CDRT15: variants seen among roughly 807,000 people sequenced by gnomAD.
The protein encoded by CDRT15 is CMT1A duplicated region transcript 15.
CDRT15 carries 9 observed loss-of-function variants against 14.9 expected under a neutral mutation model. The ratio of observed to expected loss-of-function variants is 0.60; its 90% confidence interval spans 0.36 to 1.06. The LOEUF is 1.06. Ranked by LOEUF, CDRT15 falls within the 50% of genes least tolerant of loss-of-function variation. CDRT15 has a pLI of 0.01. For missense variants in CDRT15, 117 were observed against 235.3 expected (o/e 0.50, Z 3.29); for synonymous variants, 50 against 96.6 (o/e 0.52, Z 2.83).
rs561724167 is a variant in CDRT15, at chr17:14,236,748, C to G, written c.86G>C (p.Arg29Thr). 686 of 1,612,058 alleles carry G rather than the reference C, an allele frequency of 4.3e-4. No homozygotes were observed. In the East Asian group the frequency reaches 0.015, roughly 35 times the overall value. ...SESLFRRCRR[R>T]LIPHPRRLSP... The stretch of plus-strand genomic sequence containing the variant: ...CAGGCGTCTGGGGTGAGGGATGAGC[C>G]TTCTTCGGCATCGTCGGAAAAGGCT... Residue 29 changes from arginine (R) to threonine (T), a missense_variant, in exon 1 of 3, where the codon AGG becomes ACG. Transcript: ENST00000420162.
At chr17:14,236,254 G>C (rs1907382794) in intron 2 of CDRT15, 28 bp downstream of exon 2, 1 of 1,608,852 alleles carries the variant, frequency 6.2e-7, no homozygotes, top group Non-Finnish European at 8.5e-7. Context: ...TCAGTTCCAG[G>C]GTTAGGGCTA....
At chr17:14,236,543 A>C in intron 1 of CDRT15, 29 bp downstream of exon 1, 2 of 1,569,800 alleles carry the variant, frequency 1.3e-6, no homozygotes, top group African/African-American at 1.4e-5. Context: ...CCGCCCCCGC[A>C]AAGTCTTCCA....
rs776887793 is a variant in CDRT15 at position 14,236,548 on chromosome 17, C to T, written c.262+24G>A. Reference sequence around the variant, plus strand: ...CCCAAAATCACCGCCCCCGCAAAGTCTTCCAGGCTGCAGGCCACCTCACCA... The same window carrying T: ...CCCAAAATCACCGCCCCCGCAAAGTTTTCCAGGCTGCAGGCCACCTCACCA... On this transcript the variant is annotated intron_variant, in intron 1 of 2. Coordinates refer to ENST00000420162, the MANE Select transcript of CDRT15 (RefSeq NM_001007530.3). The T allele has an allele frequency of 1.0e-5, 16 of 1,567,028 alleles. No individual in the cohort carries two copies. The East Asian group carries it at 1.9e-4, about 18-fold the overall frequency.
At chr17:14,236,129 C>T (rs1907376997) in intron 2 of CDRT15, 118 bp from the exon 3 acceptor site, 1 of 1,494,116 alleles carries the variant, frequency 6.7e-7, no homozygotes, top group East Asian at 2.3e-5. Flanking sequence ...GCCAAATGCC[C>T]TGCTCTCTGC....
chr17:14,235,819 G>A lies in CDRT15; in HGVS notation c.*37C>T. 1.3e-6 allele frequency: 2 copies of A among 1,522,012 alleles called. No individual in the cohort carries two copies. Among genetic ancestry groups the A allele is most frequent in the Non-Finnish European group, 1.8e-6 (2 of 1,122,594 alleles). The allele number at this position is 1,522,012 out of a possible 1,614,324, so 94.3% of individuals were successfully genotyped here. On this transcript the variant is annotated 3_prime_UTR_variant, in exon 3 of 3. Coordinates refer to ENST00000420162, the MANE Select transcript of CDRT15 (RefSeq NM_001007530.3). ...AAAGCTTTGTTTGCTTTACCCTTTGGAGCCACCTCCTGGTCCCCTCACCCA... is the reference window on the plus strand; with the variant it reads ...AAAGCTTTGTTTGCTTTACCCTTTGAAGCCACCTCCTGGTCCCCTCACCCA...
rs1280145489 is a variant in CDRT15, at chr17:14,236,828, G to T, written c.6C>A (p.Phe2Leu). ...CTCTCGAAGTGGGGAAGCAACACGAGAACATCTTGCTCTCTTGAGCGACTC... is the reference window on the plus strand; with the variant it reads ...CTCTCGAAGTGGGGAAGCAACACGATAACATCTTGCTCTCTTGAGCGACTC... MFSCCFPTSRGC... is the reference protein window; with the variant it reads MLSCCFPTSRGC... Residue 2 changes from phenylalanine (F) to leucine (L), a missense_variant, in exon 1 of 3, where the codon TTC (phenylalanine) becomes TTA (leucine). This residue lies in a region of CDRT15 where 50 missense variants were observed against 48.8 expected (regional missense o/e 1.03). Coordinates refer to ENST00000420162, the MANE Select transcript of CDRT15 (RefSeq NM_001007530.3). The T allele has an allele frequency of 6.2e-7, 1 of 1,608,940 alleles. No individual in the cohort carries two copies. Among genetic ancestry groups the T allele is most frequent in the African/African-American group, 1.3e-5 (1 of 74,828 alleles).
At chr17:14,236,085 A>C (rs1907374258) in intron 2 of CDRT15, 74 bp from the exon 3 acceptor site, 1 of 1,532,662 alleles carries the variant, frequency 6.5e-7, no homozygotes, top group Non-Finnish European at 8.9e-7. Flanking sequence ...AGTGAATGAG[A>C]GAAGCCTCTC....
In CDRT15 at chr17:14,236,430, G is replaced by C; in HGVS notation, c.263C>G (p.Ala88Gly). The part of the protein sequence containing the change: ...IQELIEAQTL[A>G]PGPCAEVRAL... ...TCTTACTTCTGCACATGGACCAGGAGCTGAGAAAGGAGAAAGGGTCACCAG... is the reference window on the plus strand; with the variant it reads ...TCTTACTTCTGCACATGGACCAGGACCTGAGAAAGGAGAAAGGGTCACCAG... The change falls in exon 2 of 3, where the codon GCT becomes GGT. Residue 88 changes from alanine (A) to glycine (G), a missense_variant and splice_region_variant. Coordinates refer to ENST00000420162, the MANE Select transcript of CDRT15 (RefSeq NM_001007530.3). The C allele has an allele frequency of 1.3e-6, 2 of 1,577,724 alleles. No homozygotes were observed. The highest frequency in any genetic ancestry group is 1.7e-6 in the Non-Finnish European group (2 of 1,161,270).
chr17:14,236,279 T>C lies in CDRT15; in HGVS notation c.411+3A>G, dbSNP rs373345252. 2.9e-5 allele frequency: 47 copies of C among 1,611,884 alleles called. No individual in the cohort carries two copies. In the African/African-American group the frequency reaches 5.3e-4, roughly 18 times the overall value. ...GGTTAGGGCTAGTGGCTACAGTACG[T>C]GCCGTGATTTCAGGCAGCTCCTCGT... On this transcript the variant is annotated splice_donor_region_variant and intron_variant, in intron 2 of 2. Transcript: ENST00000420162.
rs756163863 is a variant in CDRT15, at chr17:14,236,758, A to T, written c.76T>A (p.Cys26Ser). 4 of 1,612,078 alleles carry T rather than the reference A, an allele frequency of 2.5e-6. No homozygotes were observed. In the Admixed American group the frequency reaches 6.7e-5, roughly 27 times the overall value. Residue 26 changes from cysteine (C) to serine (S), a missense_variant, in exon 1 of 3, where the codon TGC becomes AGC. Around this residue, in one of 3 missense-constraint regions of CDRT15, gnomAD observed 50 missense variants for 48.8 expected, o/e 1.03. Coordinates refer to ENST00000420162, the MANE Select transcript of CDRT15 (RefSeq NM_001007530.3). ...NGGSESLFRR[C>S]RRRLIPHPRR... ...GGGTGAGGGATGAGCCTTCTTCGGC[A>T]TCGTCGGAAAAGGCTCTCACTCCCT...
At position 14,236,793 on chromosome 17, in the gene CDRT15, A is replaced by G. The variant is rs897056680; in HGVS notation, c.41T>C (p.Phe14Ser). Residue 14 changes from phenylalanine (F) to serine (S), a missense_variant, in exon 1 of 3, where the codon TTC (phenylalanine) becomes TCC (serine). This residue lies in a region of CDRT15 where 50 missense variants were observed against 48.8 expected (regional missense o/e 1.03). Coordinates refer to ENST00000420162, the MANE Select transcript of CDRT15 (RefSeq NM_001007530.3). ...AAGGCTCTCACTCCCTCCATTCCTG[A>G]AGCAGCAACCTCTCGAAGTGGGGAA... is the stretch of plus-strand genomic sequence containing the variant. ...CCFPTSRGCCFRNGGSESLFR... is the reference protein window; with the variant it reads ...CCFPTSRGCCSRNGGSESLFR... 2 of 1,610,892 alleles carry G rather than the reference A, an allele frequency of 1.2e-6. No individual in the cohort carries two copies. Among genetic ancestry groups the G allele is most frequent in the African/African-American group, 2.7e-5 (2 of 74,816 alleles).
At position 14,236,336 on chromosome 17, in the gene CDRT15, C is replaced by T. The variant is rs1907389185; in HGVS notation, c.357G>A (p.Glu119=). ...WEEAPPERAL[E]LEGAPAKDQT... ...GGTCCTTGGCTGGAGCTCCCTCCAG[C>T]TCCAGTGCTCTCTCTGGAGGGGCCT... The change falls in exon 2 of 3, where the codon GAG becomes GAA. Residue 119 remains glutamate (E), a synonymous_variant. Coordinates refer to ENST00000420162, the MANE Select transcript of CDRT15 (RefSeq NM_001007530.3). 2 of 1,611,832 alleles carry T rather than the reference C, an allele frequency of 1.2e-6. No individual in the cohort carries two copies. The highest frequency in any genetic ancestry group is 8.5e-7 in the Non-Finnish European group (1 of 1,179,460).
At position 14,235,979 on chromosome 17, in the gene CDRT15, T is replaced by C. The variant is rs564652429; in HGVS notation, c.444A>G (p.Gly148=). 6.2e-7 allele frequency: 1 copy of C among 1,611,448 alleles called. No individual in the cohort carries two copies. The highest frequency in any genetic ancestry group is 1.3e-5 in the African/African-American group (1 of 75,044). The change falls in exon 3 of 3, where the codon GGA becomes GGG. Residue 148 remains glycine, a synonymous_variant. Transcript: ENST00000420162. ...EVPESIKRRL[G]RRVPAATPAP... Reference sequence around the variant, plus strand: ...CAGGCGTAGCTGCTGGAACTCTTCTTCCCAGCCTTCTTTTAATGCTCTCCG... The same window carrying C: ...CAGGCGTAGCTGCTGGAACTCTTCTCCCCAGCCTTCTTTTAATGCTCTCCG...
intron 1 of CDRT15, 41 bp downstream of exon 1, chr17:14,236,531 C>G (rs757620303): frequency 3.2e-6 from 5 of 1,570,964 alleles, no homozygotes; most frequent in Non-Finnish European, 4.3e-6. Flanking sequence ...AGCCCAAAAT[C>G]ACCGCCCCCG....
In CDRT15 at chr17:14,236,223, C is replaced by A. The variant is rs1907381370; in HGVS notation, c.411+59G>T. 3 of 1,596,360 alleles carry A rather than the reference C, an allele frequency of 1.9e-6. No individual in the cohort carries two copies. The African/African-American group carries it at 4.0e-5, about 21-fold the overall frequency. The stretch of plus-strand genomic sequence containing the variant: ...TGTGCTGGTCACCCCCTCCCTCCCA[C>A]TTCTCTCTCCAGCCACGCTTTCAGT... On this transcript the variant is annotated intron_variant, in intron 2 of 2. Coordinates refer to ENST00000420162, the MANE Select transcript of CDRT15 (RefSeq NM_001007530.3).
Position 14,236,350 on chromosome 17 carries a change from C to G in CDRT15, c.343G>C (p.Glu115Gln). ...GCTCCCTCCAGCTCCAGTGCTCTCTCTGGAGGGGCCTCTTCCCATGCTGGC... is the reference window on the plus strand; with the variant it reads ...GCTCCCTCCAGCTCCAGTGCTCTCTGTGGAGGGGCCTCTTCCCATGCTGGC... The part of the protein sequence containing the change: ...PEPAWEEAPP[E>Q]RALELEGAPA... Residue 115 changes from glutamate (E) to glutamine (Q), a missense_variant, in exon 2 of 3, where the codon GAG (glutamate) becomes CAG (glutamine). By Grantham distance (29) the Glu-to-Gln change is conservative (BLOSUM62 2). Around this residue, in one of 3 missense-constraint regions of CDRT15, gnomAD observed 61 missense variants for 138.2 expected, o/e 0.44. Transcript: ENST00000420162. 1 of 1,611,704 alleles carries G rather than the reference C, an allele frequency of 6.2e-7. No homozygotes were observed. Among genetic ancestry groups the G allele is most frequent in the Non-Finnish European group, 8.5e-7 (1 of 1,179,382 alleles).
rs751226126 is a variant in CDRT15 at position 14,236,522 on chromosome 17, G to A, written c.262+50C>T. 5 of 1,566,490 alleles carry A rather than the reference G, an allele frequency of 3.2e-6. No individual in the cohort carries two copies. The African/African-American group carries it at 5.4e-5, about 17-fold the overall frequency. ...CCTCACTGAATTTAAGGGAATTCCA[G>A]CCCAAAATCACCGCCCCCGCAAAGT... On this transcript the variant is annotated intron_variant, in intron 1 of 2. Transcript: ENST00000420162.
intron 2 of CDRT15, 91 bp downstream of exon 2, chr17:14,236,191 C>CT (rs1907379906): frequency 1.9e-6 from 3 of 1,565,614 alleles, no homozygotes. Context: ...GAGCTGCTGG[C>CT]TGGGGCTGTG....
chr17:14,235,986 C>T lies in CDRT15; in HGVS notation c.437G>A (p.Arg146Lys), dbSNP rs1907368767. ...ITEVPESIKR[R>K]LGRRVPAATP... is the part of the protein sequence containing the mutation. ...AGCTGCTGGAACTCTTCTTCCCAGC[C>T]TTCTTTTAATGCTCTCCGGCACCTC... Residue 146 changes from arginine to lysine, a missense_variant, in exon 3 of 3, where the codon AGG (arginine) becomes AAG (lysine). By Grantham distance (26) the Arg-to-Lys change is conservative (BLOSUM62 2). This residue lies in a region of CDRT15 where 61 missense variants were observed against 138.2 expected (regional missense o/e 0.44). Transcript: ENST00000420162. The T allele has an allele frequency of 1.2e-6, 2 of 1,611,546 alleles. No homozygotes were observed. The highest frequency in any genetic ancestry group is 8.5e-7 in the Non-Finnish European group (1 of 1,178,962).
Sources: gnomAD v4.1 joint callset for allele counts on GRCh38, gnomAD v4.1.1 for gene constraint, gnomAD v4.1.1 regional missense constraint, MANE v1.5 for transcripts, NCBI Gene and HGNC (gene_info 2026-07-23, HGNC 2026-07-21) for gene names.